NDST4: variants seen among roughly 807,000 people sequenced by gnomAD.
NDST4 encodes the protein N-heparan sulfate sulfotransferase 4.
Under a neutral mutation model 100.8 loss-of-function variants are expected in NDST4, and 63 were observed. The ratio of observed to expected loss-of-function variants is 0.62; its 90% CI spans 0.51 to 0.77. NDST4 has a LOEUF of 0.77. Among genes scored for constraint, NDST4 ranks in the 30% least tolerant of loss-of-function variants. The pLI, the probability that NDST4 is intolerant of heterozygous loss-of-function variation, is 0.00. For synonymous variants in NDST4, 377 were observed against 361.8 expected (o/e 1.04, Z -0.48); for missense variants, 943 against 1,018.4 (o/e 0.93, Z 1.01).
chr4:114,925,088 T>C (rs1187566065), intron 6 of NDST4, among the ~76,000 whole-genome samples: 1 of 152,128 alleles, frequency 6.6e-6, no homozygotes, highest in Admixed American at 6.6e-5. Context: ...GATGAATATT[T>C]TGATGGAATA....
chr4:114,887,016 C>T (rs1724493473), intron 6 of NDST4, among the ~76,000 whole-genome samples: 1 of 152,040 alleles, frequency 6.6e-6, no homozygotes, highest in African/African-American at 2.4e-5. Context: ...TTTCTTTTTA[C>T]GAGGTACATA....
chr4:115,007,440 G>A (rs745759567), intron 2 of NDST4, among the ~76,000 whole-genome samples: 4 of 152,196 alleles, frequency 2.6e-5, no homozygotes, highest in Non-Finnish European at 4.4e-5. Context: ...AGAAGCGAAT[G>A]TAGACAGCAC....
chr4:115,102,548 A>G (rs1578522743), intron 1 of NDST4, among the ~76,000 whole-genome samples: 1 of 152,062 alleles, frequency 6.6e-6, no homozygotes, highest in African/African-American at 2.4e-5. Context: ...CTTAGAAGCT[A>G]TATTTGTAAT....
rs549103851 is a variant in NDST4 at position 114,884,901 on chromosome 4, A to T, written c.1537-13951T>A. Reference sequence around the variant, plus strand: ...AAAGTAAACCAGGCAGCTAAACTGAATTTGGTTTGGAGGCCGACTCTATTG... The same window carrying T: ...AAAGTAAACCAGGCAGCTAAACTGATTTTGGTTTGGAGGCCGACTCTATTG... On this transcript the variant is annotated intron_variant, in intron 6 of 13. Coordinates refer to ENST00000264363, the MANE Select transcript of NDST4 (RefSeq NM_022569.3). 9.3e-4 allele frequency among the ~76,000 whole-genome samples: 142 copies of T among 152,246 alleles called. 5 individuals are homozygous for T. The South Asian group carries it at 0.028, about 30-fold the overall frequency.
At chr4:114,888,158 G>A (rs780653108) in intron 6 of NDST4, among the ~76,000 whole-genome samples, 16 of 151,896 alleles carry the variant, frequency 1.1e-4, no homozygotes, top group Non-Finnish European at 2.1e-4. Flanking sequence ...AGCCGAGATG[G>A]TGCCACTGCA....
intron 4 of NDST4, among the ~76,000 whole-genome samples, chr4:114,964,411 A>G (rs1282864188): frequency 6.6e-6 from 1 of 152,176 alleles, no homozygotes; most frequent in Non-Finnish European, 1.5e-5. Context: ...TTAAATAATT[A>G]AAGTGTGTTT....
intron 2 of NDST4, among the ~76,000 whole-genome samples, chr4:115,038,927 C>A (rs1053786692): frequency 6.6e-6 from 1 of 152,130 alleles, no homozygotes; most frequent in Non-Finnish European, 1.5e-5. Context: ...CCACGGTGAG[C>A]TGTGATTGCC....
intron 2 of NDST4, among the ~76,000 whole-genome samples, chr4:115,036,503 A>C (rs1017579954): frequency 6.6e-6 from 1 of 151,800 alleles, no homozygotes; most frequent in Non-Finnish European, 1.5e-5. Flanking sequence ...TTCAAAATAA[A>C]TAATTTCATC....
At chr4:115,031,133 C>A (rs1728105641) in intron 2 of NDST4, among the ~76,000 whole-genome samples, 1 of 152,036 alleles carries the variant, frequency 6.6e-6, no homozygotes, top group African/African-American at 2.4e-5. Flanking sequence ...ATTTGATCGC[C>A]TATCTGATTT....
chr4:114,838,376 T>G lies in NDST4; in HGVS notation c.2286+1002A>C, dbSNP rs531962161. ...TATAAAGTCACATGTACACGTATGTTCATTGCAGCACTATTCACAATAGCA... is the reference window on the plus strand; with the variant it reads ...TATAAAGTCACATGTACACGTATGTGCATTGCAGCACTATTCACAATAGCA... On this transcript the variant is annotated intron_variant, in intron 11 of 13. Transcript: ENST00000264363. Among the ~76,000 whole-genome samples, 8 of 152,312 alleles carry G rather than the reference T, an allele frequency of 5.3e-5. No individual in the cohort carries two copies. In the East Asian group the frequency reaches 1.5e-3, roughly 29 times the overall value.
At chr4:115,030,216 T>C (rs1310402852) in intron 2 of NDST4, among the ~76,000 whole-genome samples, 1 of 152,092 alleles carries the variant, frequency 6.6e-6, no homozygotes, top group East Asian at 1.9e-4. Flanking sequence ...TTCTGGCTTG[T>C]CTACCAGCAA....
chr4:114,986,793 C>CATACATATATATATATATATAT lies in NDST4; in HGVS notation c.979-9520_979-9519insATATATATATATATATATGTAT, dbSNP rs1553959380. On this transcript the variant is annotated intron_variant, in intron 2 of 13. Coordinates refer to ENST00000264363, the MANE Select transcript of NDST4 (RefSeq NM_022569.3). ...CCTCTAAGCCTGGTATCCAATTATACATATATATATATATATATATATATA... is the reference window on the plus strand; with the variant it reads ...CCTCTAAGCCTGGTATCCAATTATACATACATATATATATATATATATATATATATATATATATATATATATA... Among the ~76,000 whole-genome samples the CATACATATATATATATATATAT allele has an allele frequency of 3.1e-4, 28 of 91,138 alleles. 1 individual carries two copies. Among genetic ancestry groups the CATACATATATATATATATATAT allele is most frequent in the African/African-American group, 1.2e-3 (26 of 22,112 alleles). 59.8% of individuals were successfully genotyped at this position (91,138 alleles called of 152,430 possible).
rs374349302 is a variant in NDST4 at position 114,891,991 on chromosome 4, C to A, written c.1537-21041G>T. On this transcript the variant is annotated intron_variant, in intron 6 of 13. Transcript: ENST00000264363. ...CAACTTATGAATAATTGTAGCACTT[C>A]ACTCTTCTCTTAGTGGCTGCACCAT... Among the ~76,000 whole-genome samples the A allele has an allele frequency of 2.6e-5, 4 of 152,204 alleles. No homozygotes were observed. The East Asian group carries it at 7.7e-4, about 29-fold the overall frequency.
chr4:115,102,644 G>T (rs1023124039), intron 1 of NDST4, among the ~76,000 whole-genome samples: 9 of 144,324 alleles, frequency 6.2e-5, no homozygotes, highest in African/African-American at 1.0e-4. Context: ...TGTAACAAAA[G>T]ATTACTATCT....
chr4:115,026,343 T>A (rs1727983852), intron 2 of NDST4, among the ~76,000 whole-genome samples: 7 of 152,062 alleles, frequency 4.6e-5, no homozygotes, highest in Admixed American at 4.6e-4. Context: ...GATTTCTGCA[T>A]GTTTTTTCTC....
intron 6 of NDST4, among the ~76,000 whole-genome samples, chr4:114,885,503 A>G (rs1188909124): frequency 6.6e-6 from 1 of 152,126 alleles, no homozygotes; most frequent in Non-Finnish European, 1.5e-5. Flanking sequence ...AATGCTTTTT[A>G]TAATATATTC....
intron 1 of NDST4, among the ~76,000 whole-genome samples, chr4:115,111,983 T>C (rs1185144571): frequency 1.3e-5 from 2 of 151,838 alleles, no homozygotes; most frequent in African/African-American, 2.4e-5. Context: ...ATGGCAATTA[T>C]ATTTTGCTTA....
chr4:114,937,392 C>T lies in NDST4; in HGVS notation c.1333G>A (p.Val445Ile), dbSNP rs1337794917. Residue 445 changes from valine (V) to isoleucine (I), a missense_variant, in exon 5 of 14, where the codon GTC becomes ATC. Around this residue, in one of 2 missense-constraint regions of NDST4, gnomAD observed 526 missense variants for 634.1 expected, o/e 0.83. Coordinates refer to ENST00000264363, the MANE Select transcript of NDST4 (RefSeq NM_022569.3). Reference sequence around the variant, plus strand: ...TGTGGATATTCTTCAGTGCTGGTGACTTGAATACCCCAGACCTTCTTCCAA... The same window carrying T: ...TGTGGATATTCTTCAGTGCTGGTGATTTGAATACCCCAGACCTTCTTCCAA... ...AAWKKVWGIQVTSTEEYPHLK... is the reference protein window; with the variant it reads ...AAWKKVWGIQITSTEEYPHLK... The T allele has an allele frequency of 6.2e-7, 1 of 1,614,074 alleles. No individual in the cohort carries two copies.
chr4:114,996,251 G>A (rs571603745), intron 2 of NDST4, among the ~76,000 whole-genome samples: 2 of 151,988 alleles, frequency 1.3e-5, no homozygotes, highest in East Asian at 1.9e-4. Flanking sequence ...TTTTATAAGC[G>A]TCTGGTGTTT....
Sources: allele counts gnomAD v4.1 joint callset (sites outside exome capture counted in the v4.1 genomes callset), GRCh38; gene constraint gnomAD v4.1.1; regional missense constraint gnomAD v4.1.1; transcripts MANE v1.5; gene names NCBI Gene and HGNC (gene_info 2026-07-23, HGNC 2026-07-21).